The following HUNK variants were observed in gnomAD, a reference collection of about 807,000 sequenced individuals.
The protein encoded by HUNK is hormonally up-regulated Neu-associated kinase, also known as hormonally up-regulated neu tumor-associated kinase.
A neutral mutation model predicts 61.0 loss-of-function variants in HUNK; 21 were observed. That is an observed-to-expected ratio of 0.34 (90% confidence interval 0.24 to 0.50). The LOEUF (loss-of-function observed/expected upper bound fraction) is 0.50, where lower values mean the gene tolerates loss of function less well. Ranked by LOEUF, HUNK falls within the 20% of genes least tolerant of loss-of-function variation. The probability of loss-of-function intolerance (pLI) is 0.98; values close to 1 mark genes in which losing one functional copy is unlikely to be tolerated. For missense variants in HUNK, 772 were observed against 945.7 expected, an observed-to-expected ratio of 0.82 and a Z score of 2.41; for synonymous variants, 371 against 386.1, an observed-to-expected ratio of 0.96 and a Z score of 0.46.
intron 1 of HUNK, among the ~76,000 whole-genome samples, chr21:31,881,518 G>A (rs2052307011): frequency 6.6e-6 from 1 of 152,008 alleles, no homozygotes; most frequent in Admixed American, 6.6e-5. Context: ...AGCTACTCGG[G>A]AGGCTGAGGC....
intron 9 of HUNK, among the ~76,000 whole-genome samples, chr21:31,991,391 G>GT (rs1020574146): frequency 5.9e-5 from 9 of 152,078 alleles, no homozygotes; most frequent in Admixed American, 5.9e-4. Context: ...GCTAATTTTT[G>GT]TATTTTTAGT....
At chr21:31,961,402 G>A (rs891036558) in intron 5 of HUNK, among the ~76,000 whole-genome samples, 7 of 152,066 alleles carry the variant, frequency 4.6e-5, no homozygotes, top group African/African-American at 1.7e-4. Context: ...CATTTCTCTG[G>A]GACAAATGCC....
chr21:31,905,410 C>T (rs756926210), intron 1 of HUNK, among the ~76,000 whole-genome samples: 1 of 152,142 alleles, frequency 6.6e-6, no homozygotes, highest in Non-Finnish European at 1.5e-5. Flanking sequence ...CCCTAGCAAA[C>T]AAACACACTG....
intron 4 of HUNK, among the ~76,000 whole-genome samples, chr21:31,947,740 C>T (rs2052819415): frequency 6.6e-6 from 1 of 152,202 alleles, no homozygotes; most frequent in East Asian, 1.9e-4. Context: ...CCACCATCCC[C>T]TGTCAGTGAT....
At chr21:31,965,762 C>T (rs541886042) in intron 5 of HUNK, among the ~76,000 whole-genome samples, 5 of 151,756 alleles carry the variant, frequency 3.3e-5, no homozygotes, top group Non-Finnish European at 4.4e-5. Flanking sequence ...CCACCACACC[C>T]GGCTAATTTT....
At chr21:31,934,531 C>A (rs889517353) in intron 2 of HUNK, among the ~76,000 whole-genome samples, 1 of 150,744 alleles carries the variant, frequency 6.6e-6, no homozygotes, top group African/African-American at 2.4e-5. Context: ...ATTTTTGCTT[C>A]AGGGTGTACC....
intron 1 of HUNK, among the ~76,000 whole-genome samples, chr21:31,920,414 A>G (rs1439624956): frequency 2.0e-5 from 3 of 152,238 alleles, no homozygotes; most frequent in African/African-American, 7.2e-5. Context: ...TTAAAAAGGC[A>G]GATTGTATTA....
chr21:31,994,566 A>C (rs1263688027), intron 9 of HUNK, among the ~76,000 whole-genome samples: 1 of 152,310 alleles, frequency 6.6e-6, no homozygotes, highest in East Asian at 1.9e-4. Flanking sequence ...CGGTGAGGTC[A>C]GAGGTGGAGT....
intron 1 of HUNK, among the ~76,000 whole-genome samples, chr21:31,889,298 G>A (rs569301317): frequency 1.3e-5 from 2 of 152,372 alleles, no homozygotes; most frequent in South Asian, 4.1e-4. Flanking sequence ...GAATGAGGAA[G>A]TGCCTCAGGT....
In HUNK at chr21:31,999,494, C is replaced by T. The variant is rs1195006317; in HGVS notation, c.*310C>T. ...GCTTGGGGGGAAAACAGGGCATGAG[C>T]CTTCTGGGGCACTCAGATTATGGAC... On this transcript the variant is annotated 3_prime_UTR_variant, in exon 11 of 11. Transcript: ENST00000270112. 2 of 348,138 alleles carry T rather than the reference C, an allele frequency of 5.7e-6. No homozygotes were observed. The highest frequency in any genetic ancestry group is 2.1e-5 in the African/African-American group (1 of 48,540). 21.6% of individuals were successfully genotyped at this position (348,138 alleles called of 1,614,324 possible).
chr21:31,892,180 T>TATATATAGAGAG (rs1457688299), intron 1 of HUNK, among the ~76,000 whole-genome samples: 6 of 109,712 alleles, frequency 5.5e-5, no homozygotes, highest in African/African-American at 2.1e-4. Context: ...TATATATATA[T>TATATATAGAGAG]AGAGAGAGAG....
chr21:31,959,123 G>A (rs560360860), intron 5 of HUNK, among the ~76,000 whole-genome samples, 153 bp downstream of exon 5: 2 of 152,274 alleles, frequency 1.3e-5, no homozygotes, highest in South Asian at 4.2e-4. Context: ...GTGTCAAGGG[G>A]TGGTTGGGTT....
intron 1 of HUNK, among the ~76,000 whole-genome samples, chr21:31,910,719 C>A (rs550923221): frequency 6.6e-6 from 1 of 152,214 alleles, no homozygotes; most frequent in South Asian, 2.1e-4. Flanking sequence ...GAACTCCCAA[C>A]CTCAGGTGAT....
intron 1 of HUNK, among the ~76,000 whole-genome samples, chr21:31,885,057 C>T (rs972322195): frequency 3.3e-5 from 5 of 152,124 alleles, no homozygotes; most frequent in Non-Finnish European, 5.9e-5. Context: ...GGATTACAGG[C>T]ACGAGTCATC....
chr21:31,952,148 G>C (rs2052854574), intron 4 of HUNK, among the ~76,000 whole-genome samples: 2 of 151,804 alleles, frequency 1.3e-5, no homozygotes, highest in African/African-American at 4.8e-5. Flanking sequence ...CCATTTAATG[G>C]AACAGTGGTG....
At chr21:31,929,543 A>T (rs1259045845) in intron 2 of HUNK, among the ~76,000 whole-genome samples, 1 of 152,222 alleles carries the variant, frequency 6.6e-6, no homozygotes, top group African/African-American at 2.4e-5. Flanking sequence ...GTGAATCACC[A>T]AGAACGCCGA....
chr21:31,913,569 A>C (rs1373416412), intron 1 of HUNK, among the ~76,000 whole-genome samples: 1 of 151,708 alleles, frequency 6.6e-6, no homozygotes, highest in Admixed American at 6.6e-5. Context: ...AGCCCCAGAG[A>C]GGAGTTGGGG....
intron 4 of HUNK, among the ~76,000 whole-genome samples, chr21:31,952,814 C>T (rs756266697): frequency 2.1e-5 from 3 of 145,244 alleles, no homozygotes; most frequent in East Asian, 2.1e-4. Context: ...TTCTGTCCTG[C>T]GATAGCTCAT....
At chr21:31,950,457 G>A (rs1370909054) in intron 4 of HUNK, among the ~76,000 whole-genome samples, 2 of 152,226 alleles carry the variant, frequency 1.3e-5, no homozygotes, top group African/African-American at 4.8e-5. Context: ...AGACGGCCAG[G>A]TGGAGAACAG....
Sources: gnomAD v4.1 joint callset for allele counts (sites outside exome capture counted in the v4.1 genomes callset) on GRCh38, gnomAD v4.1.1 for gene constraint, MANE v1.5 for transcripts, NCBI Gene and HGNC (gene_info 2026-07-23, HGNC 2026-07-21) for gene names.